SNX24: variants seen among roughly 807,000 people sequenced by gnomAD.
The protein encoded by SNX24 is sorting nexin 24.
Under a neutral mutation model 28.7 loss-of-function variants are expected in SNX24, and 22 were observed. That is an observed-to-expected ratio of 0.77 (90% CI 0.55 to 1.10). The LOEUF (loss-of-function observed/expected upper bound fraction) is 1.10. Ranked by LOEUF, SNX24 falls within the 50% of genes least tolerant of loss-of-function variation. The pLI, the probability that SNX24 is intolerant of heterozygous loss-of-function variation, is 0.00. For missense variants in SNX24, 221 were observed against 201.1 expected (o/e 1.10, Z -0.60); for synonymous variants, 69 against 71.5 (o/e 0.96, Z 0.18).
chr5:122,971,356 A>G (rs1175057744), intron 3 of SNX24, among the ~76,000 whole-genome samples: 2 of 152,102 alleles, frequency 1.3e-5, no homozygotes, highest in Non-Finnish European at 2.9e-5. Context: ...ACTGACTCAA[A>G]TGTTAATCTC....
intron 1 of SNX24, among the ~76,000 whole-genome samples, chr5:122,934,610 G>A (rs564618631): frequency 1.1e-4 from 17 of 152,082 alleles, no homozygotes; most frequent in African/African-American, 3.1e-4. Flanking sequence ...CACCTGCCTC[G>A]GCCTCGCAAA....
At chr5:122,852,168 T>C (rs1017601995) in intron 1 of SNX24, among the ~76,000 whole-genome samples, 1 of 151,544 alleles carries the variant, frequency 6.6e-6, no homozygotes, top group East Asian at 1.9e-4. Flanking sequence ...TTTCTTTTTT[T>C]AAAAATTTTA....
chr5:122,948,049 C>T (rs1378493406), intron 3 of SNX24, among the ~76,000 whole-genome samples: 1 of 152,182 alleles, frequency 6.6e-6, no homozygotes, highest in African/African-American at 2.4e-5. Flanking sequence ...GCTCAGATGG[C>T]TTGCTTCCTG....
chr5:122,854,440 G>A (rs536034604), intron 1 of SNX24, among the ~76,000 whole-genome samples: 3 of 151,316 alleles, frequency 2.0e-5, no homozygotes, highest in East Asian at 2.0e-4. Flanking sequence ...CCCGGGAGGC[G>A]GAGCTTGCAG....
At chr5:122,849,508 A>G (rs1177930304) in intron 1 of SNX24, among the ~76,000 whole-genome samples, 1 of 150,996 alleles carries the variant, frequency 6.6e-6, no homozygotes, top group Non-Finnish European at 1.5e-5. Context: ...AAATCTAATT[A>G]GGTTTTTGCT....
chr5:122,901,710 C>T (rs960034597), intron 1 of SNX24, among the ~76,000 whole-genome samples: 1 of 152,170 alleles, frequency 6.6e-6, no homozygotes, highest in African/African-American at 2.4e-5. Context: ...CCTCCATTCT[C>T]TCCCTTGGAT....
chr5:122,926,023 G>A (rs1375589682), intron 1 of SNX24, among the ~76,000 whole-genome samples: 2 of 151,342 alleles, frequency 1.3e-5, no homozygotes, highest in African/African-American at 4.9e-5. Flanking sequence ...TTGTGTGTGT[G>A]TGTGTGCATG....
intron 1 of SNX24, among the ~76,000 whole-genome samples, chr5:122,934,024 A>C (rs246309): frequency 0.8 from 121,154 of 151,804 alleles, 48,996 homozygotes; most frequent in East Asian, 0.99. Context: ...CTCAGGTGAT[A>C]CGCCCGTCTC....
chr5:122,984,102 C>T (rs1472646616), intron 3 of SNX24, among the ~76,000 whole-genome samples: 1 of 152,168 alleles, frequency 6.6e-6, no homozygotes, highest in Non-Finnish European at 1.5e-5. Flanking sequence ...CAGTCACAGA[C>T]ACAGATCCAT....
intron 1 of SNX24, among the ~76,000 whole-genome samples, chr5:122,871,796 T>G (rs1215977839): frequency 6.6e-6 from 1 of 151,910 alleles, no homozygotes; most frequent in Non-Finnish European, 1.5e-5. Context: ...AAAAAAAGCT[T>G]TTCTGACCTC....
At chr5:122,869,724 A>G (rs963585061) in intron 1 of SNX24, among the ~76,000 whole-genome samples, 2 of 152,202 alleles carry the variant, frequency 1.3e-5, no homozygotes, top group East Asian at 1.9e-4. Context: ...CATAATTTGT[A>G]TGGAAATCAA....
intron 1 of SNX24, among the ~76,000 whole-genome samples, chr5:122,852,573 G>A (rs374221062): frequency 6.6e-6 from 1 of 151,926 alleles, no homozygotes; most frequent in Non-Finnish European, 1.5e-5. Flanking sequence ...GAACTTCTGC[G>A]TTCAAGTGAT....
At chr5:122,906,834 G>A (rs542609396) in intron 1 of SNX24, among the ~76,000 whole-genome samples, 92 of 152,282 alleles carry the variant, frequency 6.0e-4, no homozygotes, top group African/African-American at 2.2e-3. Flanking sequence ...ACAGTTGAGA[G>A]GACAGTGAGG....
At chr5:122,960,707 A>G (rs562889525) in intron 3 of SNX24, among the ~76,000 whole-genome samples, 41 of 152,292 alleles carry the variant, frequency 2.7e-4, no homozygotes, top group African/African-American at 7.0e-4. Context: ...ATTAAACTCA[A>G]CTGAGACTCA....
intron 1 of SNX24, among the ~76,000 whole-genome samples, chr5:122,901,222 A>G (rs1561569055): frequency 6.6e-6 from 1 of 151,964 alleles, no homozygotes; most frequent in Non-Finnish European, 1.5e-5. Flanking sequence ...AAAAAGCAAA[A>G]TATTGCTCAT....
intron 1 of SNX24, among the ~76,000 whole-genome samples, chr5:122,849,590 C>T (rs1406949153): frequency 4.0e-5 from 6 of 151,474 alleles, no homozygotes; most frequent in African/African-American, 1.5e-4. Context: ...CAGATATGCC[C>T]CCAAAAAAGG....
At chr5:122,847,879 T>C (rs897343050) in intron 1 of SNX24, among the ~76,000 whole-genome samples, 1 of 152,182 alleles carries the variant, frequency 6.6e-6, no homozygotes, top group Admixed American at 6.5e-5. Flanking sequence ...ACAACTGGTT[T>C]TATGATTGTA....
chr5:123,007,193 A>G (rs1380360067), intron 6 of SNX24, among the ~76,000 whole-genome samples: 1 of 152,166 alleles, frequency 6.6e-6, no homozygotes, highest in African/African-American at 2.4e-5. Flanking sequence ...ACTGACCCCC[A>G]TCTTACTGCT....
chr5:123,009,969 C>G (rs1762539230), downstream of SNX24, among the ~76,000 whole-genome samples: 1 of 152,190 alleles, frequency 6.6e-6, no homozygotes, highest in African/African-American at 2.4e-5. Context: ...TCAAAAAGGA[C>G]CTGTTATCTC....
Sources: gnomAD v4.1 joint callset for allele counts (sites outside exome capture counted in the v4.1 genomes callset) on GRCh38, gnomAD v4.1.1 for gene constraint, MANE v1.5 for transcripts, NCBI Gene and HGNC (gene_info 2026-07-23, HGNC 2026-07-21) for gene names.